The following ITGAL variants were observed in gnomAD, a reference collection of about 807,000 sequenced individuals.
ITGAL encodes integrin subunit alpha L.
ITGAL carries 68 observed loss-of-function variants against 138.4 expected under a neutral mutation model. The observed-to-expected ratio is 0.49, with a 90% CI of 0.40 to 0.60. The LOEUF (loss-of-function observed/expected upper bound fraction) is 0.60, where lower values mean the gene tolerates loss of function less well. Ranked by LOEUF, ITGAL falls within the 20% of genes least tolerant of loss-of-function variation. The pLI is 0.00. For synonymous variants in ITGAL, 561 were observed against 584.3 expected (o/e 0.96, Z 0.57); for missense variants, 1,256 against 1,478.6 (o/e 0.85, Z 2.47).
intron 26 of ITGAL, 45 bp from the exon 27 acceptor site, chr16:30,517,604 C>T (rs764692453): frequency 3.2e-6 from 5 of 1,551,608 alleles, no homozygotes; most frequent in Non-Finnish European, 4.5e-6. Context: ...AGTGTCTTAT[C>T]TGGGTTGGGG....
At chr16:30,495,010 A>G (rs2050779463) in intron 13 of ITGAL, among the ~76,000 whole-genome samples, 160 bp downstream of exon 13, 1 of 152,060 alleles carries the variant, frequency 6.6e-6, no homozygotes, top group African/African-American at 2.4e-5. Context: ...GACTGTATGC[A>G]GGGTCCAGTG....
intron 27 of ITGAL, 31 bp from the exon 28 acceptor site, chr16:30,517,766 G>A (rs755165124): frequency 3.1e-6 from 5 of 1,612,554 alleles, no homozygotes; most frequent in Admixed American, 1.7e-5. Flanking sequence ...GAATGAAGCC[G>A]CCCTGACCCC....
chr16:30,482,083 T>G (rs748669897), intron 7 of ITGAL, among the ~76,000 whole-genome samples: 1 of 151,926 alleles, frequency 6.6e-6, no homozygotes, highest in Non-Finnish European at 1.5e-5. Flanking sequence ...TTAGTAGAGA[T>G]AGGCTTTCAC....
At chr16:30,479,031 G>A in intron 4 of ITGAL, 60 bp from the exon 5 acceptor site, 2 of 1,303,310 alleles carry the variant, frequency 1.5e-6, no homozygotes, top group Non-Finnish European at 2.2e-6. Context: ...TTTGGTTGAT[G>A]TTGCCCAAAA....
In ITGAL at chr16:30,484,241, G is replaced by A. The variant is rs1384920413; in HGVS notation, c.984G>A (p.Gln328=). The A allele has an allele frequency of 1.2e-6, 2 of 1,613,936 alleles. No homozygotes were observed. Among genetic ancestry groups the A allele is most frequent in the Admixed American group, 3.3e-5 (2 of 59,962 alleles). ...TGAAAGATCTATTCACTGAGCTGCA[G>A]AAGAAGATCTATGTCATTGAGGGTG... ...EKLKDLFTEL[Q]KKIYVIEGTS... The change falls in exon 9 of 31, where the codon CAG becomes CAA. Residue 328 remains glutamine (Q), a synonymous_variant. Coordinates refer to ENST00000356798, the MANE Select transcript of ITGAL (RefSeq NM_002209.3).
At chr16:30,484,348 C>G in intron 9 of ITGAL, 85 bp downstream of exon 9, 1 of 1,336,428 alleles carries the variant, frequency 7.5e-7, no homozygotes, top group South Asian at 1.4e-5. Flanking sequence ...GTGGCTCACA[C>G]CTGTAATCCC....
At chr16:30,474,908 T>C (rs1345415424) in intron 2 of ITGAL, among the ~76,000 whole-genome samples, 1 of 147,886 alleles carries the variant, frequency 6.8e-6, no homozygotes, top group African/African-American at 2.5e-5. Flanking sequence ...GCCCAGGCTG[T>C]AGTGCAACGG....
intron 9 of ITGAL, among the ~76,000 whole-genome samples, chr16:30,484,513 C>T (rs1005867203): frequency 1.6e-4 from 25 of 151,848 alleles, no homozygotes; most frequent in African/African-American, 5.6e-4. Flanking sequence ...GAGGCTGAGG[C>T]GCAAGAATCG....
At position 30,505,241 on chromosome 16, in the gene ITGAL, C is replaced by A; in HGVS notation, c.2236-3C>A. The A allele has an allele frequency of 6.3e-7, 1 of 1,595,826 alleles. No individual in the cohort carries two copies. The highest frequency in any genetic ancestry group is 8.6e-7 in the Non-Finnish European group (1 of 1,167,482). On this transcript the variant is annotated splice_region_variant and splice_polypyrimidine_tract_variant and intron_variant, in intron 18 of 30. Transcript: ENST00000356798. ...TCCATCCTGCCCACTACCCCTCGCT[C>A]AGCAGGGCAAGGACATACCGCCCAT...
intron 9 of ITGAL, among the ~76,000 whole-genome samples, chr16:30,487,103 A>G (rs1160565600): frequency 7.2e-6 from 1 of 138,206 alleles, no homozygotes; most frequent in African/African-American, 2.7e-5. Context: ...AGATTGTGCC[A>G]CCGCCCTCCA....
rs930068657 is a variant in ITGAL, at chr16:30,505,398, G to A, written c.2302G>A (p.Glu768Lys). 1.9e-6 allele frequency: 3 copies of A among 1,614,070 alleles called. No homozygotes were observed. Among genetic ancestry groups the A allele is most frequent in the Non-Finnish European group, 2.5e-6 (3 of 1,180,006 alleles). Residue 768 changes from glutamate (E) to lysine (K), a missense_variant, in exon 20 of 31, where the codon GAG becomes AAG. Around this residue, in one of 3 missense-constraint regions of ITGAL, gnomAD observed 867 missense variants for 972.5 expected, o/e 0.89. Coordinates refer to ENST00000356798, the MANE Select transcript of ITGAL (RefSeq NM_002209.3). ...CTTCTTGGTGTTTCAGATCCCTTTT[G>A]AGAAGAACTGTGGGGAGGACAAGAA... ...LHSETWEIPF[E>K]KNCGEDKKCE... is the part of the protein sequence containing the mutation.
Position 30,517,012 on chromosome 16 carries a change from A to G in ITGAL, c.2902A>G (p.Thr968Ala). ...QPSIHDHNIP[T>A]LEAVVGVPQP... ...TTCCATCCACGACCACAACATACCC[A>G]CCCTGGAGGCTGTGGTTGGGGTGCC... Residue 968 changes from threonine (T) to alanine (A), a missense_variant, in exon 26 of 31, where the codon ACC (threonine) becomes GCC (alanine). By Grantham distance (58) the Thr-to-Ala change is moderately conservative. Transcript: ENST00000356798. The G allele has an allele frequency of 3.1e-6, 5 of 1,613,524 alleles. No homozygotes were observed. Among genetic ancestry groups the G allele is most frequent in the Non-Finnish European group, 4.2e-6 (5 of 1,179,726 alleles).
intron 8 of ITGAL, 63 bp downstream of exon 8, chr16:30,484,022 T>A: frequency 6.3e-7 from 1 of 1,595,094 alleles, no homozygotes. Flanking sequence ...CCCAAGCCCC[T>A]TTCTCCCTGG....
chr16:30,513,991 C>T (rs996595282), intron 25 of ITGAL, 145 bp downstream of exon 25: 3 of 658,354 alleles, frequency 4.6e-6, no homozygotes, highest in Non-Finnish European at 8.1e-6. Flanking sequence ...GTCACAGCCT[C>T]CACTTACAGG....
intron 11 of ITGAL, 64 bp downstream of exon 11, chr16:30,489,450 G>A (rs1308105203): frequency 1.3e-5 from 21 of 1,555,748 alleles, no homozygotes; most frequent in Non-Finnish European, 1.8e-5. Flanking sequence ...GCTCAGCCTG[G>A]CTTCCAAAAC....
At chr16:30,478,567 G>A (rs2050506154) in intron 4 of ITGAL, among the ~76,000 whole-genome samples, 1 of 151,172 alleles carries the variant, frequency 6.6e-6, no homozygotes. Context: ...GTGTAGTGGC[G>A]GGTGCCTGTA....
chr16:30,479,043 A>G (rs1477590726), intron 4 of ITGAL, 48 bp from the exon 5 acceptor site: 2 of 1,432,770 alleles, frequency 1.4e-6, no homozygotes, highest in Admixed American at 3.4e-5. Context: ...TGCCCAAAAG[A>G]CACATAGCAA....
In ITGAL at chr16:30,475,412, G is replaced by T. The variant is rs750768413; in HGVS notation, c.259+12G>T. The T allele has an allele frequency of 6.2e-6, 10 of 1,609,906 alleles. No individual in the cohort carries two copies. In the East Asian group the frequency reaches 2.2e-4, roughly 36 times the overall value. ...AGTCACCCTGAGAGGTGAGTAACTG[G>T]GGGGTGAGCTGGGAGGAATGGGATC... On this transcript the variant is annotated intron_variant, in intron 3 of 30. Transcript: ENST00000356798.
rs2230432 is a variant in ITGAL at position 30,489,361 on chromosome 16, A to T, written c.1188A>T (p.Thr396=). 3,083 of 1,614,154 alleles carry T rather than the reference A, an allele frequency of 1.9e-3. 11 individuals carry two copies. Among genetic ancestry groups the T allele is most frequent in the South Asian group, 4.8e-3 (434 of 91,084 alleles). The part of the protein sequence containing the change: ...DDTFIGNEPL[T]PEVRAGYLGY... ...CATTTATTGGGAATGAACCATTGACACCAGAAGTGAGAGCAGGCTATTTGG... is the reference window on the plus strand; with the variant it reads ...CATTTATTGGGAATGAACCATTGACTCCAGAAGTGAGAGCAGGCTATTTGG... Residue 396 remains threonine (T), a synonymous_variant, in exon 11 of 31, where the codon ACA becomes ACT. Transcript: ENST00000356798.
Sources: allele counts gnomAD v4.1 joint callset (sites outside exome capture counted in the v4.1 genomes callset), GRCh38; gene constraint gnomAD v4.1.1; regional missense constraint gnomAD v4.1.1; transcripts MANE v1.5; gene names NCBI Gene and HGNC (gene_info 2026-07-23, HGNC 2026-07-21).